The following TAF4B variants were observed in gnomAD, a reference collection of about 807,000 sequenced individuals.
TAF4B encodes the protein TATA-box binding protein associated factor 4b.
Under a neutral mutation model 86.4 loss-of-function variants are expected in TAF4B, and 38 were observed. The ratio of observed to expected loss-of-function variants is 0.44; its 90% CI spans 0.34 to 0.58. The LOEUF is 0.58. Ranked by LOEUF, TAF4B falls within the 20% of genes least tolerant of loss-of-function variation. The probability of loss-of-function intolerance (pLI) is 0.02; values close to 1 mark genes in which losing one functional copy is unlikely to be tolerated. For missense variants in TAF4B, 988 were observed against 1,027.6 expected, an observed-to-expected ratio of 0.96 and a Z score of 0.53; for synonymous variants, 388 against 391.2, an observed-to-expected ratio of 0.99 and a Z score of 0.10.
intron 14 of TAF4B, chr18:26,366,213 TC>T (rs1385656228): frequency 5.3e-5 from 8 of 152,228 alleles, no homozygotes; most frequent in Non-Finnish European, 1.0e-4. Flanking sequence ...ATGAATAACT[TC>T]CTGACAGTGT....
chr18:26,379,957 G>A (rs1225797906), intron 14 of TAF4B, among the ~76,000 whole-genome samples: 1 of 151,838 alleles, frequency 6.6e-6, no homozygotes, highest in Non-Finnish European at 1.5e-5. Flanking sequence ...CTTTCCAATT[G>A]TTTGTTGCTA....
chr18:26,272,115 TC>T (rs1471416303), intron 3 of TAF4B, among the ~76,000 whole-genome samples: 1 of 151,984 alleles, frequency 6.6e-6, no homozygotes, highest in Non-Finnish European at 1.5e-5. Flanking sequence ...GGCCTGATCT[TC>T]CTGAGGCTCC....
chr18:26,324,042 A>G (rs1435093447), intron 11 of TAF4B, among the ~76,000 whole-genome samples: 1 of 151,666 alleles, frequency 6.6e-6, no homozygotes, highest in Non-Finnish European at 1.5e-5. Flanking sequence ...TCCCCTTCTC[A>G]TTTCGTTTTG....
At chr18:26,285,779 A>C in intron 6 of TAF4B, 103 bp from the exon 7 acceptor site, 1 of 1,362,890 alleles carries the variant, frequency 7.3e-7, no homozygotes, top group Non-Finnish European at 1.0e-6. Context: ...TACTTGATAC[A>C]CTTTTGATTG....
chr18:26,267,451 C>A, intron 2 of TAF4B, 65 bp from the exon 3 acceptor site: 1 of 1,032,370 alleles, frequency 9.7e-7, no homozygotes, highest in Non-Finnish European at 1.5e-6. Context: ...ATGTTCACTG[C>A]AGTACTGATC....
In TAF4B at chr18:26,285,960, G is replaced by A; in HGVS notation, c.1051G>A (p.Asp351Asn). 3.1e-6 allele frequency: 5 copies of A among 1,614,200 alleles called. No homozygotes were observed. Among genetic ancestry groups the A allele is most frequent in the African/African-American group, 1.3e-5 (1 of 75,058 alleles). ...IQQCVQQTSSDMVIATCTTTV... is the reference protein window; with the variant it reads ...IQQCVQQTSSNMVIATCTTTV... ...GCAATGTGTTCAGCAGACTTCTAGTGACATGGTCATTGCTACCTGTACTAC... is the reference window on the plus strand; with the variant it reads ...GCAATGTGTTCAGCAGACTTCTAGTAACATGGTCATTGCTACCTGTACTAC... The change falls in exon 7 of 15, where the codon GAC becomes AAC. Residue 351 changes from aspartate to asparagine, a missense_variant. Physicochemically the swap from Asp to Asn is conservative, Grantham distance 23. Transcript: ENST00000269142.
chr18:26,338,730 G>A (rs1284453022), intron 13 of TAF4B, among the ~76,000 whole-genome samples: 2 of 151,748 alleles, frequency 1.3e-5, no homozygotes, highest in South Asian at 2.1e-4. Context: ...CTCCTGCCTC[G>A]GCCTCCCAAA....
intron 9 of TAF4B, among the ~76,000 whole-genome samples, chr18:26,299,443 G>C (rs906165925): frequency 6.6e-6 from 1 of 151,902 alleles, no homozygotes; most frequent in African/African-American, 2.4e-5. Flanking sequence ...GTTTTGTAAG[G>C]GTTTTGTGTT....
rs2057200060 is a variant in TAF4B at position 26,346,883 on chromosome 18, A to ATATATATATATATGTG, written c.2317-10794_2317-10793insGTGTATATATATATAT. Reference sequence around the variant, plus strand: ...TGTGTATATATATATATGTGTATATATATATATATATATATATGTGTGTGT... The same window carrying ATATATATATATATGTG: ...TGTGTATATATATATATGTGTATATATATATATATATATGTGTATATATATATATATATGTGTGTGT... On this transcript the variant is annotated intron_variant, in intron 13 of 14. Coordinates refer to ENST00000269142, the MANE Select transcript of TAF4B (RefSeq NM_005640.3). Among the ~76,000 whole-genome samples, 5 of 7,766 alleles carry ATATATATATATATGTG rather than the reference A, an allele frequency of 6.4e-4. 1 individual carries two copies. Among genetic ancestry groups the ATATATATATATATGTG allele is most frequent in the African/African-American group, 1.1e-3 (5 of 4,586 alleles). 5.1% of individuals were successfully genotyped at this position (7,766 alleles called of 152,430 possible). A position where few individuals can be genotyped will look rare whatever the true frequency, so the allele number is the denominator to read the frequency against.
chr18:26,323,284 G>C (rs537318280), intron 11 of TAF4B, among the ~76,000 whole-genome samples: 5 of 152,096 alleles, frequency 3.3e-5, no homozygotes, highest in Non-Finnish European at 5.9e-5. Context: ...CATCCATCTG[G>C]ATGTTCTATT....
chr18:26,282,235 G>T (rs1300982960), intron 6 of TAF4B, among the ~76,000 whole-genome samples, 175 bp downstream of exon 6: 1 of 152,058 alleles, frequency 6.6e-6, no homozygotes, highest in Non-Finnish European at 1.5e-5. Flanking sequence ...TTTTAATTTG[G>T]ACACTTTGAA....
chr18:26,285,222 G>GTTTTTTTTTTTTTTGTTTTTTTTTTTT (rs2056502792), intron 6 of TAF4B, among the ~76,000 whole-genome samples: 1 of 45,660 alleles, frequency 2.2e-5, no homozygotes, highest in Non-Finnish European at 4.5e-5. Flanking sequence ...TTTTTTTTTT[G>GTTTTTTTTTTTTTTGTTTTTTTTTTTT]TTTTTTTTTT....
At chr18:26,258,209 G>A (rs1331706231) in intron 1 of TAF4B, among the ~76,000 whole-genome samples, 2 of 149,728 alleles carry the variant, frequency 1.3e-5, no homozygotes, top group African/African-American at 2.5e-5. Context: ...AGCTGAGATC[G>A]CACCACTGCA....
In TAF4B at chr18:26,259,235, TTGGTGTCTTTAA is replaced by T. The variant is rs1307847518; in HGVS notation, c.344-5928_344-5917del. On this transcript the variant is annotated intron_variant, in intron 1 of 14. Coordinates refer to ENST00000269142, the MANE Select transcript of TAF4B (RefSeq NM_005640.3). ...TTCTGGTACTAACATTATGCCTATG[TTGGTGTCTTTAA>T]TGGTGTTCCATGTTTTCTGAGAATC... Among the ~76,000 whole-genome samples, 10 of 152,006 alleles carry T rather than the reference TTGGTGTCTTTAA, an allele frequency of 6.6e-5. No homozygotes were observed. In the East Asian group the frequency reaches 1.7e-3, roughly 26 times the overall value.
At chr18:26,336,113 G>A (rs2057088738) in intron 13 of TAF4B, among the ~76,000 whole-genome samples, 1 of 152,172 alleles carries the variant, frequency 6.6e-6, no homozygotes, top group South Asian at 2.1e-4. Flanking sequence ...TCACATTTCT[G>A]ATTAAGGATC....
At chr18:26,260,001 T>C (rs1393040472) in intron 1 of TAF4B, among the ~76,000 whole-genome samples, 1 of 152,234 alleles carries the variant, frequency 6.6e-6, no homozygotes, top group East Asian at 1.9e-4. Context: ...TGGTATCTCA[T>C]TGTGGTTTCG....
chr18:26,306,982 CG>C (rs2056801933), intron 9 of TAF4B, among the ~76,000 whole-genome samples: 1 of 151,786 alleles, frequency 6.6e-6, no homozygotes, highest in Non-Finnish European at 1.5e-5. Flanking sequence ...GGAGTTTCAC[CG>C]TGTTAGCCAG....
rs1398060993 is a variant in TAF4B at position 26,306,759 on chromosome 18, T to C, written c.1833-8470T>C. 1.4e-4 allele frequency among the ~76,000 whole-genome samples: 21 copies of C among 151,094 alleles called. No homozygotes were observed. The Admixed American group carries it at 1.4e-3, about 10-fold the overall frequency. Reference sequence around the variant, plus strand: ...TTGCTTCCCTGGATACTTACATCACTTCAGTTATTTATTTATTTATTTATT... The same window carrying C: ...TTGCTTCCCTGGATACTTACATCACCTCAGTTATTTATTTATTTATTTATT... On this transcript the variant is annotated intron_variant, in intron 9 of 14. Transcript: ENST00000269142.
rs540089060 is a variant in TAF4B, at chr18:26,256,985, A to G, written c.344-8185A>G. 9.2e-5 allele frequency among the ~76,000 whole-genome samples: 14 copies of G among 152,212 alleles called. No individual in the cohort carries two copies. In the South Asian group the frequency reaches 2.9e-3, roughly 32 times the overall value. ...CAACCTAATATAATTTCAATTTTTG[A>G]AAGTTTATTGAGGTTTGTTTTGTGT... On this transcript the variant is annotated intron_variant, in intron 1 of 14. Coordinates refer to ENST00000269142, the MANE Select transcript of TAF4B (RefSeq NM_005640.3).
Sources: gnomAD v4.1 joint callset for allele counts (sites outside exome capture counted in the v4.1 genomes callset) on GRCh38, gnomAD v4.1.1 for gene constraint, MANE v1.5 for transcripts, NCBI Gene and HGNC (gene_info 2026-07-23, HGNC 2026-07-21) for gene names.